The following FAM171B variants were observed in gnomAD, a reference collection of about 807,000 sequenced individuals.
FAM171B encodes family with sequence similarity 171 member B.
In FAM171B, 19 loss-of-function variants were observed where a neutral mutation model predicts 75.6. The ratio of observed to expected loss-of-function variants is 0.25; its 90% CI spans 0.18 to 0.37. FAM171B has a LOEUF of 0.37. Ranked by LOEUF, FAM171B falls within the 10% of genes least tolerant of loss-of-function variation. The pLI is 1.00. For missense variants in FAM171B, 848 were observed against 982.4 expected, an observed-to-expected ratio of 0.86 and a Z score of 1.83; for synonymous variants, 367 against 361.7, an observed-to-expected ratio of 1.01 and a Z score of -0.17.
At chr2:186,737,618 A>G (rs1690222868) in intron 1 of FAM171B, among the ~76,000 whole-genome samples, 2 of 152,236 alleles carry the variant, frequency 1.3e-5, no homozygotes, top group Admixed American at 6.5e-5. Flanking sequence ...CTGGGATTAC[A>G]GGCATGAGCC....
chr2:186,746,301 G>A (rs1444471364), intron 3 of FAM171B, among the ~76,000 whole-genome samples: 1 of 152,158 alleles, frequency 6.6e-6, no homozygotes, highest in Non-Finnish European at 1.5e-5. Flanking sequence ...CATTTGAAAG[G>A]CTTTTAATGC....
chr2:186,708,036 G>A (rs1321605283), intron 1 of FAM171B, among the ~76,000 whole-genome samples: 1 of 151,380 alleles, frequency 6.6e-6, no homozygotes, highest in Non-Finnish European at 1.5e-5. Context: ...GCTTTGCTTG[G>A]GGCTATATCC....
At chr2:186,717,518 G>T (rs1689890581) in intron 1 of FAM171B, among the ~76,000 whole-genome samples, 1 of 152,148 alleles carries the variant, frequency 6.6e-6, no homozygotes, top group Non-Finnish European at 1.5e-5. Context: ...CAGGAGGACG[G>T]TAGATGAGTC....
At chr2:186,756,666 C>A (rs1690535213) in intron 6 of FAM171B, among the ~76,000 whole-genome samples, 1 of 152,096 alleles carries the variant, frequency 6.6e-6, no homozygotes, top group African/African-American at 2.4e-5. Context: ...TCCTATAATT[C>A]AATTCAATCC....
At chr2:186,756,178 G>GTTTGGATGAGTACTAAAATAAAA (rs1690528870) in intron 6 of FAM171B, among the ~76,000 whole-genome samples, 1 of 150,026 alleles carries the variant, frequency 6.7e-6, no homozygotes, top group Non-Finnish European at 1.5e-5. Flanking sequence ...ATTATTTGTT[G>GTTTGGATGAGTACTAAAATAAAA]GAAAAGATGT....
intron 1 of FAM171B, among the ~76,000 whole-genome samples, chr2:186,719,378 C>A (rs1574101049): frequency 6.6e-6 from 1 of 152,268 alleles, no homozygotes; most frequent in African/African-American, 2.4e-5. Flanking sequence ...ATGGATATTT[C>A]ATTAAGTTTT....
At chr2:186,728,055 A>G (rs886093341) in intron 1 of FAM171B, among the ~76,000 whole-genome samples, 2 of 152,180 alleles carry the variant, frequency 1.3e-5, no homozygotes, top group African/African-American at 4.8e-5. Flanking sequence ...TCCTACCACA[A>G]CATCTCCACA....
At chr2:186,702,754 A>G (rs1435973136) in intron 1 of FAM171B, among the ~76,000 whole-genome samples, 3 of 152,178 alleles carry the variant, frequency 2.0e-5, no homozygotes, top group Admixed American at 1.3e-4. Flanking sequence ...CTAGTGAACC[A>G]GAACTGTAAC....
intron 3 of FAM171B, 79 bp from the exon 4 acceptor site, chr2:186,747,013 T>C: frequency 6.5e-6 from 7 of 1,070,258 alleles, no homozygotes; most frequent in Non-Finnish European, 9.3e-6. Flanking sequence ...TTGCTTCTTT[T>C]AAAGTAAGAC....
At chr2:186,719,273 T>C (rs958433195) in intron 1 of FAM171B, among the ~76,000 whole-genome samples, 6 of 152,234 alleles carry the variant, frequency 3.9e-5, no homozygotes, top group Non-Finnish European at 5.9e-5. Context: ...AGCTTGTATC[T>C]TGCAGTTTCT....
At chr2:186,720,401 G>T (rs989887705) in intron 1 of FAM171B, among the ~76,000 whole-genome samples, 1 of 152,074 alleles carries the variant, frequency 6.6e-6, no homozygotes, top group African/African-American at 2.4e-5. Flanking sequence ...CACTGTAGTT[G>T]TCATGTCATA....
At chr2:186,702,174 C>T (rs986678261) in intron 1 of FAM171B, among the ~76,000 whole-genome samples, 25 of 152,158 alleles carry the variant, frequency 1.6e-4, no homozygotes, top group Admixed American at 3.3e-4. Flanking sequence ...AGTGTACTTA[C>T]ACAAGCCTAA....
chr2:186,748,246 T>C (rs1690399324), intron 4 of FAM171B, among the ~76,000 whole-genome samples: 1 of 151,902 alleles, frequency 6.6e-6, no homozygotes, highest in Non-Finnish European at 1.5e-5. Context: ...TTACCACTCA[T>C]TGTAACCTAA....
At position 186,761,942 on chromosome 2, in the gene FAM171B, A is replaced by G. The variant is rs982723698; in HGVS notation, c.1600A>G (p.Ile534Val). 1.2e-6 allele frequency: 2 copies of G among 1,613,308 alleles called. No individual in the cohort carries two copies. The highest frequency in any genetic ancestry group is 8.5e-7 in the Non-Finnish European group (1 of 1,179,758). ...CCATATTCCTGAACAGCTTATGCAT[A>G]TTTACAGCCAACCCATTGCCATCCT... The part of the protein sequence containing the change: ...RSHIPEQLMH[I>V]YSQPIAILQT... The change falls in exon 8 of 8, where the codon ATT becomes GTT. Residue 534 changes from isoleucine to valine, a missense_variant. Coordinates refer to ENST00000304698, the MANE Select transcript of FAM171B (RefSeq NM_177454.4).
chr2:186,759,315 C>A (rs576173558), intron 6 of FAM171B, among the ~76,000 whole-genome samples: 1 of 152,104 alleles, frequency 6.6e-6, no homozygotes, highest in Non-Finnish European at 1.5e-5. Context: ...AGGGTCTTCC[C>A]GACTGAGCTG....
chr2:186,700,625 T>A (rs572410508), intron 1 of FAM171B, among the ~76,000 whole-genome samples: 17 of 152,320 alleles, frequency 1.1e-4, no homozygotes, highest in African/African-American at 3.4e-4. Context: ...CAGATCAGTT[T>A]ATTGATTCTT....
chr2:186,705,135 A>G (rs947893310), intron 1 of FAM171B, among the ~76,000 whole-genome samples: 1 of 152,244 alleles, frequency 6.6e-6, no homozygotes, highest in Non-Finnish European at 1.5e-5. Flanking sequence ...CTGCTCCTGC[A>G]GCACAGGGCT....
At chr2:186,707,839 T>A (rs1449263392) in intron 1 of FAM171B, among the ~76,000 whole-genome samples, 2 of 106,400 alleles carry the variant, frequency 1.9e-5, no homozygotes, top group African/African-American at 7.1e-5. Context: ...ACTTTTTTTT[T>A]TTAAAAAAAA....
intron 1 of FAM171B, among the ~76,000 whole-genome samples, chr2:186,729,432 G>GT (rs745975259): frequency 6.9e-4 from 102 of 148,138 alleles, no homozygotes; most frequent in Middle Eastern, 6.9e-3. Flanking sequence ...AAATGCCAAA[G>GT]TATTTTTTTT....
Sources: allele counts gnomAD v4.1 joint callset (sites outside exome capture counted in the v4.1 genomes callset), GRCh38; gene constraint gnomAD v4.1.1; transcripts MANE v1.5; gene names NCBI Gene and HGNC (gene_info 2026-07-23, HGNC 2026-07-21).